Variants in GALNTL6 observed in about 807,000 individuals in gnomAD.
The protein encoded by GALNTL6 is polypeptide N-acetylgalactosaminyltransferase-like 6.
In GALNTL6, 46 loss-of-function variants were observed where a neutral mutation model predicts 73.7. That is an observed-to-expected ratio of 0.62 (90% CI 0.49 to 0.80). The LOEUF (loss-of-function observed/expected upper bound fraction) is 0.80. Among genes scored for constraint, GALNTL6 ranks in the 30% least tolerant of loss-of-function variants. The probability of loss-of-function intolerance (pLI) is 0.00; values close to 1 mark genes in which losing one functional copy is unlikely to be tolerated. For missense variants in GALNTL6, 604 were observed against 755.0 expected, an observed-to-expected ratio of 0.80 and a Z score of 2.34; for synonymous variants, 259 against 263.7, an observed-to-expected ratio of 0.98 and a Z score of 0.17.
At chr4:172,615,801 C>T (rs1738706092) in intron 5 of GALNTL6, among the ~76,000 whole-genome samples, 1 of 152,182 alleles carries the variant, frequency 6.6e-6, no homozygotes, top group East Asian at 1.9e-4. Context: ...TTTTTGCAGA[C>T]CTTTTAATTA....
At chr4:172,042,521 AT>A in intron 2 of GALNTL6, among the ~76,000 whole-genome samples, 1 of 151,920 alleles carries the variant, frequency 6.6e-6, no homozygotes, top group Non-Finnish European at 1.5e-5. Flanking sequence ...AACTTTTCAT[AT>A]TCCCTCACAA....
chr4:171,892,192 CA>C (rs1006732625), intron 2 of GALNTL6, among the ~76,000 whole-genome samples: 3 of 152,128 alleles, frequency 2.0e-5, no homozygotes, highest in African/African-American at 7.2e-5. Flanking sequence ...TATGTGTATG[CA>C]AATATTCCAA....
intron 2 of GALNTL6, among the ~76,000 whole-genome samples, chr4:171,827,818 T>A (rs911459216): frequency 6.6e-6 from 1 of 152,116 alleles, no homozygotes; most frequent in Admixed American, 6.6e-5. Flanking sequence ...TAGTTGACCC[T>A]TAAACATAGG....
chr4:171,921,339 C>T (rs1737780694), intron 2 of GALNTL6, among the ~76,000 whole-genome samples: 1 of 152,054 alleles, frequency 6.6e-6, no homozygotes, highest in Non-Finnish European at 1.5e-5. Context: ...TCAATTAACA[C>T]ACATGTACAT....
chr4:172,837,815 C>G (rs1382845723), intron 7 of GALNTL6, among the ~76,000 whole-genome samples: 1 of 152,150 alleles, frequency 6.6e-6, no homozygotes, highest in Non-Finnish European at 1.5e-5. Flanking sequence ...AATAATCAAT[C>G]CTGGATAGCT....
chr4:172,665,671 T>C (rs1300178274), intron 5 of GALNTL6, among the ~76,000 whole-genome samples: 2 of 152,224 alleles, frequency 1.3e-5, no homozygotes, highest in African/African-American at 2.4e-5. Context: ...TTCATACTTA[T>C]AGTAAAGGGC....
intron 5 of GALNTL6, among the ~76,000 whole-genome samples, chr4:172,658,088 T>C (rs1731149191): frequency 9.6e-6 from 1 of 103,900 alleles, no homozygotes; most frequent in East Asian, 3.0e-4. Context: ...AGGCGGAGCT[T>C]GCAGTGAGCC....
At chr4:172,029,509 G>A (rs6843490) in intron 2 of GALNTL6, among the ~76,000 whole-genome samples, 84,521 of 151,766 alleles carry the variant, frequency 0.56, 24,405 homozygotes, top group African/African-American at 0.67. Flanking sequence ...TACTTTAAAA[G>A]TAGAATCACT....
intron 7 of GALNTL6, among the ~76,000 whole-genome samples, chr4:172,871,364 C>G (rs909113130): frequency 1.3e-5 from 2 of 152,096 alleles, no homozygotes; most frequent in South Asian, 4.1e-4. Context: ...CCAACAGAAA[C>G]AGGGTTACGT....
chr4:172,745,213 T>TAA (rs5864163), intron 5 of GALNTL6, among the ~76,000 whole-genome samples: 1 of 150,930 alleles, frequency 6.6e-6, no homozygotes, highest in African/African-American at 2.4e-5. Context: ...CTCTGTTAAT[T>TAA]AAAAAAAGAA....
At chr4:172,436,159 A>G (rs2111392025) in intron 5 of GALNTL6, among the ~76,000 whole-genome samples, 1 of 152,130 alleles carries the variant, frequency 6.6e-6, no homozygotes, top group East Asian at 1.9e-4. Flanking sequence ...TTAAAATCAT[A>G]TGTATAATTT....
intron 8 of GALNTL6, among the ~76,000 whole-genome samples, chr4:172,929,289 A>T (rs1007803856): frequency 2.0e-5 from 3 of 152,174 alleles, no homozygotes; most frequent in African/African-American, 7.2e-5. Flanking sequence ...CATTTGTTCA[A>T]CCATTCTCGC....
At chr4:172,144,756 A>T (rs62331107) in intron 2 of GALNTL6, among the ~76,000 whole-genome samples, 5,924 of 152,156 alleles carry the variant, frequency 0.039, 209 homozygotes, top group Non-Finnish European at 0.058. Flanking sequence ...ATAATGTCAA[A>T]CCTTCATTGA....
chr4:172,773,918 C>T (rs955313565), intron 5 of GALNTL6, among the ~76,000 whole-genome samples: 1 of 151,938 alleles, frequency 6.6e-6, no homozygotes, highest in Admixed American at 6.6e-5. Flanking sequence ...AGAATTGAAG[C>T]TTCCTGTACA....
intron 5 of GALNTL6, among the ~76,000 whole-genome samples, chr4:172,488,252 A>G (rs1458431841): frequency 1.3e-5 from 2 of 152,198 alleles, no homozygotes; most frequent in East Asian, 3.9e-4. Flanking sequence ...TCTGATTACT[A>G]CTGCTCCAGA....
At chr4:172,775,234 A>G (rs1311267178) in intron 5 of GALNTL6, among the ~76,000 whole-genome samples, 1 of 152,130 alleles carries the variant, frequency 6.6e-6, no homozygotes, top group Non-Finnish European at 1.5e-5. Context: ...TACACATTTT[A>G]ATAATGCTGA....
intron 2 of GALNTL6, among the ~76,000 whole-genome samples, chr4:171,978,728 G>A (rs1739794768): frequency 6.6e-6 from 1 of 151,902 alleles, no homozygotes; most frequent in South Asian, 2.1e-4. Flanking sequence ...TTTTAATTTT[G>A]ACTTGATTTT....
chr4:172,271,403 G>A (rs1367386071), intron 3 of GALNTL6, among the ~76,000 whole-genome samples: 4 of 151,866 alleles, frequency 2.6e-5, no homozygotes, highest in Non-Finnish European at 4.4e-5. Context: ...ACATACATAT[G>A]GATATGTACA....
chr4:172,479,143 TC>T (rs1163278188), intron 5 of GALNTL6, among the ~76,000 whole-genome samples: 2 of 152,156 alleles, frequency 1.3e-5, no homozygotes, highest in African/African-American at 4.8e-5. Flanking sequence ...TACTGTTCCA[TC>T]CGGGAATCCC....
Sources: allele counts gnomAD v4.1 joint callset (sites outside exome capture counted in the v4.1 genomes callset), GRCh38; gene constraint gnomAD v4.1.1; transcripts MANE v1.5; gene names NCBI Gene and HGNC (gene_info 2026-07-23, HGNC 2026-07-21).